Variants in COL13A1 observed in about 807,000 individuals in gnomAD.
COL13A1 encodes collagen alpha-1(XIII) chain.
In COL13A1, 89 loss-of-function variants were observed where a neutral mutation model predicts 130.9. The ratio of observed to expected loss-of-function variants is 0.68; its 90% CI spans 0.57 to 0.81. The LOEUF (loss-of-function observed/expected upper bound fraction) is 0.81, where lower values mean the gene tolerates loss of function less well. Ranked by LOEUF, COL13A1 falls within the 30% of genes least tolerant of loss-of-function variation. The probability of loss-of-function intolerance (pLI) is 0.00; values close to 1 mark genes in which losing one functional copy is unlikely to be tolerated. For synonymous variants in COL13A1, 402 were observed against 341.6 expected, an observed-to-expected ratio of 1.18 and a Z score of -1.95; for missense variants, 879 against 934.6, an observed-to-expected ratio of 0.94 and a Z score of 0.78.
In COL13A1 at chr10:69,802,534, A is replaced by G; in HGVS notation, c.111A>G (p.Ala37=). 1 of 1,589,658 alleles carries G rather than the reference A, an allele frequency of 6.3e-7. No homozygotes were observed. Among genetic ancestry groups the G allele is most frequent in the East Asian group, 2.4e-5 (1 of 42,392 alleles). The change falls in exon 1 of 41, where the codon GCA becomes GCG. Residue 37 remains alanine, a synonymous_variant. Coordinates refer to ENST00000645393, the MANE Select transcript of COL13A1 (RefSeq NM_001368882.1). ...ALVAARAERG[A]RLPSPGSCGL... ...TGGCGGCGCGGGCGGAGCGCGGCGC[A>G]CGGCTGCCGAGTCCAGGGTCGTGCG...
intron 1 of COL13A1, among the ~76,000 whole-genome samples, chr10:69,811,762 G>A (rs1444613799): frequency 1.3e-5 from 2 of 151,518 alleles, no homozygotes; most frequent in Non-Finnish European, 2.9e-5. Context: ...GGCTCTTAAT[G>A]TCGTCAGAGG....
At chr10:69,944,344 C>A (rs549200872) in intron 36 of COL13A1, among the ~76,000 whole-genome samples, 166 bp downstream of exon 36, 1 of 152,052 alleles carries the variant, frequency 6.6e-6, no homozygotes, top group Non-Finnish European at 1.5e-5. Context: ...TATGAGTTGA[C>A]AAGACTTGGA....
intron 35 of COL13A1, among the ~76,000 whole-genome samples, chr10:69,941,396 C>T (rs1023995337): frequency 4.6e-5 from 7 of 152,176 alleles, no homozygotes; most frequent in Admixed American, 4.6e-4. Flanking sequence ...TCTGTGTGTG[C>T]CCGTCATGCT....
chr10:69,880,465 GCCCCTCGCTCCCTCTCCCCCTT>G lies in COL13A1; in HGVS notation c.463-35_463-14del. On this transcript the variant is annotated splice_polypyrimidine_tract_variant and intron_variant, in intron 6 of 40. Transcript: ENST00000645393. ...CCGCTCCTCTTCTCCATACCTCCCT[GCCCCTCGCTCCCTCTCCCCCTT>G]CCTCTCTCCCCGCAGGGGTCCCCCG... The G allele has an allele frequency of 8.4e-7, 1 of 1,185,492 alleles. No homozygotes were observed. Among genetic ancestry groups the G allele is most frequent in the African/African-American group, 1.5e-5 (1 of 67,078 alleles). 73.4% of individuals were successfully genotyped at this position (1,185,492 alleles called of 1,614,324 possible).
intron 35 of COL13A1, 145 bp downstream of exon 35, chr10:69,941,168 T>C (rs1287658705): frequency 3.6e-6 from 5 of 1,393,866 alleles, no homozygotes; most frequent in Non-Finnish European, 5.0e-6. Flanking sequence ...CCACTGATGC[T>C]CTGAAGTGCC....
chr10:69,860,746 G>A, intron 2 of COL13A1: 1 of 258,306 alleles, frequency 3.9e-6, no homozygotes, highest in Non-Finnish European at 7.7e-6. Context: ...CTGAGCCCCA[G>A]GCTGCTATCC....
intron 2 of COL13A1, among the ~76,000 whole-genome samples, chr10:69,855,808 C>CAAGAGGGAGGGATGCAAGA (rs1856301441): frequency 1.1e-4 from 2 of 18,370 alleles, no homozygotes; most frequent in South Asian, 1.8e-3. Context: ...GGGATGCAAG[C>CAAGAGGGAGGGATGCAAGA]ACACTTGTCA....
chr10:69,849,925 G>A (rs1457583944), intron 2 of COL13A1, among the ~76,000 whole-genome samples: 1 of 152,198 alleles, frequency 6.6e-6, no homozygotes, highest in Non-Finnish European at 1.5e-5. Flanking sequence ...AGGAGAGTAG[G>A]ACGAGTTGGT....
At chr10:69,847,841 C>A (rs1589419909) in intron 2 of COL13A1, among the ~76,000 whole-genome samples, 1 of 152,216 alleles carries the variant, frequency 6.6e-6, no homozygotes, top group Admixed American at 6.5e-5. Context: ...GAAAACCTAA[C>A]AACTTTGCCG....
intron 2 of COL13A1, among the ~76,000 whole-genome samples, chr10:69,862,996 A>G (rs1022374683): frequency 4.0e-4 from 61 of 152,342 alleles, no homozygotes; most frequent in African/African-American, 1.4e-3. Context: ...TGGGATCCCA[A>G]GAGTTGGCAA....
chr10:69,848,126 C>T (rs181063481), intron 2 of COL13A1, among the ~76,000 whole-genome samples: 194 of 152,316 alleles, frequency 1.3e-3, no homozygotes, highest in Middle Eastern at 3.4e-3. Context: ...CTGGGACCAG[C>T]TGAGACTGAG....
rs745342554 is a variant in COL13A1 at position 69,894,711 on chromosome 10, G to T, written c.657+10G>T. ...ACAAAAAGGAGAAAAGGTAAGAGCAGTGGAGGTTTCCTAGAGTCTCCATCT... is the reference window on the plus strand; with the variant it reads ...ACAAAAAGGAGAAAAGGTAAGAGCATTGGAGGTTTCCTAGAGTCTCCATCT... On this transcript the variant is annotated intron_variant, in intron 12 of 40. Coordinates refer to ENST00000645393, the MANE Select transcript of COL13A1 (RefSeq NM_001368882.1). 1.9e-6 allele frequency: 3 copies of T among 1,614,064 alleles called. No individual in the cohort carries two copies. Among genetic ancestry groups the T allele is most frequent in the Non-Finnish European group, 2.5e-6 (3 of 1,179,902 alleles).
At chr10:69,862,797 T>C (rs940016358) in intron 2 of COL13A1, among the ~76,000 whole-genome samples, 2 of 152,028 alleles carry the variant, frequency 1.3e-5, no homozygotes, top group Non-Finnish European at 2.9e-5. Context: ...GGGCCTCAGG[T>C]TTTTCATCTG....
intron 34 of COL13A1, among the ~76,000 whole-genome samples, chr10:69,938,248 G>A (rs2067199195): frequency 6.6e-6 from 1 of 150,564 alleles, no homozygotes; most frequent in Admixed American, 6.6e-5. Context: ...CCTGCCCAGA[G>A]CCAGAAGCCC....
At chr10:69,907,684 C>A (rs1468152800) in intron 17 of COL13A1, among the ~76,000 whole-genome samples, 10 of 152,146 alleles carry the variant, frequency 6.6e-5, no homozygotes, top group Non-Finnish European at 5.9e-5. Flanking sequence ...AATAACTAAC[C>A]CACTCTCACA....
intron 1 of COL13A1, among the ~76,000 whole-genome samples, chr10:69,805,448 T>G (rs1488278559): frequency 1.3e-5 from 2 of 152,162 alleles, no homozygotes; most frequent in African/African-American, 4.8e-5. Flanking sequence ...TTGTCTGTGC[T>G]CCTGGAGGGA....
chr10:69,909,072 A>C (rs551341501), intron 17 of COL13A1, among the ~76,000 whole-genome samples: 1 of 152,280 alleles, frequency 6.6e-6, no homozygotes, highest in South Asian at 2.1e-4. Flanking sequence ...AGCTCAGGGA[A>C]GTCATAGCTT....
chr10:69,860,715 TG>T, intron 2 of COL13A1: 1 of 281,094 alleles, frequency 3.6e-6, no homozygotes, highest in South Asian at 3.1e-5. Flanking sequence ...TCCTTGCCTG[TG>T]GCCTTCTGCG....
At chr10:69,953,608 G>C (rs746916633) in intron 39 of COL13A1, among the ~76,000 whole-genome samples, 4 of 152,212 alleles carry the variant, frequency 2.6e-5, no homozygotes, top group Non-Finnish European at 4.4e-5. Flanking sequence ...AGGCACTTCT[G>C]CTGGGTTTCT....
Sources: gnomAD v4.1 joint callset for allele counts (sites outside exome capture counted in the v4.1 genomes callset) on GRCh38, gnomAD v4.1.1 for gene constraint, MANE v1.5 for transcripts, NCBI Gene and HGNC (gene_info 2026-07-23, HGNC 2026-07-21) for gene names.